BAZ2B: variants seen among roughly 807,000 people sequenced by gnomAD.
BAZ2B encodes the protein bromodomain adjacent to zinc finger domain 2B, also known as bromodomain adjacent to zinc finger domain protein 2B.
BAZ2B carries 91 observed loss-of-function variants against 246.0 expected under a neutral mutation model. The observed-to-expected ratio is 0.37, with a 90% CI of 0.31 to 0.44. BAZ2B has a LOEUF of 0.44. Among genes scored for constraint, BAZ2B ranks in the 20% least tolerant of loss-of-function variants. The pLI, the probability that BAZ2B is intolerant of heterozygous loss-of-function variation, is 1.00. For synonymous variants in BAZ2B, 855 were observed against 860.0 expected (o/e 0.99, Z 0.10); for missense variants, 2,332 against 2,533.7 (o/e 0.92, Z 1.71).
At chr2:159,390,084 C>G (rs1463865525) in intron 20 of BAZ2B, among the ~76,000 whole-genome samples, 3 of 152,080 alleles carry the variant, frequency 2.0e-5, no homozygotes, top group African/African-American at 7.2e-5. Context: ...TCTATAATAC[C>G]ATTATCGTTA....
the BAZ2B span, among the ~76,000 whole-genome samples, chr2:159,627,656 A>C: frequency 2.0e-5 from 3 of 152,190 alleles, no homozygotes; most frequent in Admixed American, 6.5e-5. Flanking sequence ...CTAGGTATTG[A>C]TGAAGCGTAT....
intron 3 of BAZ2B, chr2:159,463,519 T>C (rs1306007886): frequency 6.5e-6 from 1 of 153,344 alleles, no homozygotes; most frequent in African/African-American, 2.4e-5. Flanking sequence ...AGCGTTCCCT[T>C]TTCTCCACAT....
At chr2:159,673,196 C>T in the BAZ2B span, among the ~76,000 whole-genome samples, 1 of 151,920 alleles carries the variant, frequency 6.6e-6, no homozygotes, top group African/African-American at 2.4e-5. Context: ...GAAAAATAGG[C>T]AAAAAAATTT....
intron 1 of BAZ2B, among the ~76,000 whole-genome samples, chr2:159,593,817 G>C (rs561050536): frequency 1.3e-5 from 2 of 152,078 alleles, no homozygotes; most frequent in African/African-American, 4.8e-5. Context: ...GTATCTCCTC[G>C]GGGACAAGGC....
intron 2 of BAZ2B, among the ~76,000 whole-genome samples, chr2:159,544,927 T>C (rs948390618): frequency 6.6e-6 from 1 of 152,174 alleles, no homozygotes; most frequent in Non-Finnish European, 1.5e-5. Flanking sequence ...AATTCAGGAA[T>C]AGGTAATTCA....
At chr2:159,327,846 C>T (rs950145334) in intron 34 of BAZ2B, among the ~76,000 whole-genome samples, 6 of 152,090 alleles carry the variant, frequency 3.9e-5, no homozygotes, top group Non-Finnish European at 8.8e-5. Flanking sequence ...GGGCGGATCG[C>T]CTGAGGTCAG....
intron 27 of BAZ2B, among the ~76,000 whole-genome samples, chr2:159,370,865 G>A (rs1029218296): frequency 6.6e-6 from 1 of 151,808 alleles, no homozygotes; most frequent in African/African-American, 2.4e-5. Flanking sequence ...GCAATGGCAC[G>A]ATCTCGGCTC....
At chr2:159,691,612 C>T in the BAZ2B span, among the ~76,000 whole-genome samples, 1 of 152,176 alleles carries the variant, frequency 6.6e-6, no homozygotes, top group Non-Finnish European at 1.5e-5. Context: ...ATCTATAGTA[C>T]ATCTCAAGCA....
At chr2:159,420,149 AT>A (rs2068477008) in intron 13 of BAZ2B, among the ~76,000 whole-genome samples, 1 of 152,196 alleles carries the variant, frequency 6.6e-6, no homozygotes, top group Non-Finnish European at 1.5e-5. Flanking sequence ...CTCTATGAAC[AT>A]TAGTTTTTCT....
chr2:159,684,459 TAAAGAA>T, the BAZ2B span, among the ~76,000 whole-genome samples: 5 of 152,214 alleles, frequency 3.3e-5, no homozygotes, highest in Non-Finnish European at 5.9e-5. Flanking sequence ...ACCCACTAAA[TAAAGAA>T]AAAGTGGAAG....
intron 20 of BAZ2B, among the ~76,000 whole-genome samples, chr2:159,392,741 G>A (rs2063502433): frequency 1.3e-5 from 2 of 152,082 alleles, no homozygotes; most frequent in African/African-American, 4.8e-5. Context: ...AAAATTATTT[G>A]AGCATTTATA....
At chr2:159,596,114 A>G (rs1690643470) in intron 1 of BAZ2B, among the ~76,000 whole-genome samples, 1 of 152,214 alleles carries the variant, frequency 6.6e-6, no homozygotes, top group Non-Finnish European at 1.5e-5. Flanking sequence ...TTTTAAAGGA[A>G]AAGGAGTAGT....
chr2:159,570,341 T>C (rs1366577919), intron 1 of BAZ2B, among the ~76,000 whole-genome samples: 1 of 152,176 alleles, frequency 6.6e-6, no homozygotes, highest in South Asian at 2.1e-4. Flanking sequence ...CACGCCACCA[T>C]GCCTGGCTAA....
At chr2:159,659,854 G>A in the BAZ2B span, among the ~76,000 whole-genome samples, 1 of 152,052 alleles carries the variant, frequency 6.6e-6, no homozygotes, top group Non-Finnish European at 1.5e-5. Context: ...TTATTTTTTT[G>A]TGAAGAGAAG....
chr2:159,338,297 A>G (rs1466556037), intron 31 of BAZ2B, among the ~76,000 whole-genome samples: 2 of 152,230 alleles, frequency 1.3e-5, no homozygotes, highest in South Asian at 4.1e-4. Context: ...TCACTTTAAC[A>G]TGAAAGGATC....
intron 1 of BAZ2B, among the ~76,000 whole-genome samples, chr2:159,577,900 A>G (rs1165553205): frequency 1.3e-5 from 2 of 152,216 alleles, no homozygotes; most frequent in Non-Finnish European, 2.9e-5. Context: ...AACATGAGAA[A>G]AGAACTAGTT....
the BAZ2B span, among the ~76,000 whole-genome samples, chr2:159,663,040 A>G: frequency 1.3e-5 from 2 of 152,092 alleles, no homozygotes; most frequent in African/African-American, 2.4e-5. Flanking sequence ...AGTGGTATTT[A>G]TATATTCAAG....
At chr2:159,374,828 G>A in intron 25 of BAZ2B, 75 bp from the exon 26 acceptor site, 1 of 1,320,784 alleles carries the variant, frequency 7.6e-7, no homozygotes, top group Admixed American at 1.8e-5. Flanking sequence ...TTTAATGAAA[G>A]TCTCCTATAG....
In BAZ2B at chr2:159,320,150, A is replaced by T; in HGVS notation, c.*115T>A. 1 of 936,486 alleles carries T rather than the reference A, an allele frequency of 1.1e-6. No homozygotes were observed. Among genetic ancestry groups the T allele is most frequent in the Non-Finnish European group, 1.4e-6 (1 of 693,320 alleles). 58.0% of individuals were successfully genotyped at this position (936,486 alleles called of 1,614,324 possible). A position where few individuals can be genotyped will look rare whatever the true frequency, so the allele number is the denominator to read the frequency against. On this transcript the variant is annotated 3_prime_UTR_variant, in exon 37 of 37. Coordinates refer to ENST00000392783, the MANE Select transcript of BAZ2B (RefSeq NM_013450.4). ...CTTCTGATACTTTTTTTTTATACTT[A>T]AGGAAAAAGAAAGTCATTATGTATG...
Sources: gnomAD v4.1 joint callset for allele counts (sites outside exome capture counted in the v4.1 genomes callset) on GRCh38, gnomAD v4.1.1 for gene constraint, MANE v1.5 for transcripts, NCBI Gene and HGNC (gene_info 2026-07-23, HGNC 2026-07-21) for gene names.